THRB: variants seen among roughly 807,000 people sequenced by gnomAD.
The protein encoded by THRB is nuclear receptor subfamily 1 group A member 2.
In THRB, 12 loss-of-function variants were observed where a neutral mutation model predicts 47.8. That is an observed-to-expected ratio of 0.25 (90% CI 0.16 to 0.41). The LOEUF is 0.41. THRB is among the 10% of genes least tolerant of loss of function. The pLI is 1.00. For missense variants in THRB, 348 were observed against 589.2 expected, an observed-to-expected ratio of 0.59 and a Z score of 4.24; for synonymous variants, 218 against 212.2, an observed-to-expected ratio of 1.03 and a Z score of -0.24.
At chr3:24,132,679 G>A (rs1040173649) in intron 9 of THRB, among the ~76,000 whole-genome samples, 8 of 152,232 alleles carry the variant, frequency 5.3e-5, no homozygotes, top group South Asian at 4.1e-4. Context: ...GAAGAACTCC[G>A]GTGGGACAGC....
intron 10 of THRB, among the ~76,000 whole-genome samples, chr3:24,124,162 T>C (rs2032261168): frequency 6.6e-6 from 1 of 152,204 alleles, no homozygotes; most frequent in African/African-American, 2.4e-5. Flanking sequence ...GAAACAGGGT[T>C]CTGCTTCATT....
In THRB at chr3:24,420,752, A is replaced by T. The variant is rs190947843; in HGVS notation, c.-261+73900T>A. On this transcript the variant is annotated intron_variant, in intron 1 of 10. Coordinates refer to ENST00000646209, the MANE Select transcript of THRB (RefSeq NM_001354712.2). Reference sequence around the variant, plus strand: ...AAGGAACACATGCACTGTCGGTGGGAATGTAAATTACTACAACCATTGTGG... The same window carrying T: ...AAGGAACACATGCACTGTCGGTGGGTATGTAAATTACTACAACCATTGTGG... 9.4e-4 allele frequency among the ~76,000 whole-genome samples: 143 copies of T among 152,026 alleles called. 1 individual carries two copies. The highest frequency in any genetic ancestry group is 3.1e-3 in the African/African-American group (130 of 41,526).
chr3:24,371,374 A>G (rs1217023582), intron 1 of THRB, among the ~76,000 whole-genome samples: 1 of 152,168 alleles, frequency 6.6e-6, no homozygotes, highest in African/African-American at 2.4e-5. Context: ...ATTATGTTTC[A>G]GACATGATTC....
At chr3:24,186,463 G>A (rs9883105) in intron 5 of THRB, among the ~76,000 whole-genome samples, 12,026 of 151,774 alleles carry the variant, frequency 0.079, 899 homozygotes, top group African/African-American at 0.2. Context: ...AGTTGCAGAA[G>A]GGAATGGGTC....
intron 3 of THRB, among the ~76,000 whole-genome samples, chr3:24,267,266 T>G (rs1393008430): frequency 6.6e-6 from 1 of 151,576 alleles, no homozygotes; most frequent in Non-Finnish European, 1.5e-5. Context: ...CATAAGTGGG[T>G]AGAGGTGGAG....
chr3:24,196,479 G>A (rs2043968653), intron 4 of THRB, among the ~76,000 whole-genome samples: 1 of 152,196 alleles, frequency 6.6e-6, no homozygotes, highest in Non-Finnish European at 1.5e-5. Flanking sequence ...CCTGCACATT[G>A]TAAGCATGCA....
At chr3:24,437,779 A>G (rs2071116081) in intron 1 of THRB, among the ~76,000 whole-genome samples, 2 of 152,084 alleles carry the variant, frequency 1.3e-5, no homozygotes, top group African/African-American at 2.4e-5. Context: ...GAAGAAAATG[A>G]ACACACTTTT....
intron 1 of THRB, among the ~76,000 whole-genome samples, chr3:24,355,909 T>C (rs1251624390): frequency 6.6e-6 from 1 of 152,160 alleles, no homozygotes; most frequent in African/African-American, 2.4e-5. Flanking sequence ...TTCCAATGGT[T>C]CCCCAAGTCT....
intron 4 of THRB, among the ~76,000 whole-genome samples, chr3:24,195,367 G>A (rs1206322072): frequency 2.6e-5 from 4 of 151,958 alleles, no homozygotes; most frequent in South Asian, 2.1e-4. Flanking sequence ...TCTCCTTATC[G>A]CCCTTAGTTT....
chr3:24,170,893 A>G (rs1371083838), intron 5 of THRB, among the ~76,000 whole-genome samples: 1 of 152,190 alleles, frequency 6.6e-6, no homozygotes, highest in Non-Finnish European at 1.5e-5. Flanking sequence ...ACATATTGCA[A>G]TAAGTGGATT....
chr3:24,227,795 G>A (rs2047819120), intron 4 of THRB, among the ~76,000 whole-genome samples: 2 of 152,066 alleles, frequency 1.3e-5, no homozygotes, highest in South Asian at 4.2e-4. Context: ...CAAAGGTCAG[G>A]CTGCATCCTC....
At chr3:24,451,450 T>C (rs1427153791) in intron 1 of THRB, among the ~76,000 whole-genome samples, 3 of 152,140 alleles carry the variant, frequency 2.0e-5, no homozygotes, top group African/African-American at 7.2e-5. Context: ...TTAGCCAAGC[T>C]GGTCTTACAT....
At chr3:24,279,242 T>C (rs1008155674) in intron 3 of THRB, among the ~76,000 whole-genome samples, 11 of 152,186 alleles carry the variant, frequency 7.2e-5, no homozygotes, top group Non-Finnish European at 1.3e-4. Flanking sequence ...AACTTGAACA[T>C]GTTCGCTTGC....
chr3:24,292,063 A>G (rs569780673), intron 3 of THRB, among the ~76,000 whole-genome samples: 50 of 152,210 alleles, frequency 3.3e-4, no homozygotes, highest in Non-Finnish European at 6.5e-4. Context: ...AGAGTAACAT[A>G]AAGTGAAAGT....
intron 1 of THRB, among the ~76,000 whole-genome samples, chr3:24,425,145 C>T (rs2069632573): frequency 1.3e-5 from 2 of 151,498 alleles, no homozygotes; most frequent in African/African-American, 4.8e-5. Flanking sequence ...GATCAGTTTT[C>T]AAGATGTGGT....
chr3:24,417,117 CACACACACACACACACACA>C (rs2068807868), intron 1 of THRB, among the ~76,000 whole-genome samples: 4 of 151,290 alleles, frequency 2.6e-5, no homozygotes, highest in Non-Finnish European at 4.4e-5. Context: ...CACACACACA[CACACACACACACACACACA>C]CACGCGCAAC....
At chr3:24,140,434 A>G (rs2035283883) in intron 8 of THRB, among the ~76,000 whole-genome samples, 1 of 152,126 alleles carries the variant, frequency 6.6e-6, no homozygotes, top group South Asian at 2.1e-4. Context: ...GGTGTCATGT[A>G]AAGGCTTTTT....
chr3:24,447,004 A>G (rs1577636107), intron 1 of THRB, among the ~76,000 whole-genome samples: 1 of 152,212 alleles, frequency 6.6e-6, no homozygotes, highest in East Asian at 1.9e-4. Context: ...CCAGTCTCCC[A>G]TCATTACCGG....
intron 3 of THRB, among the ~76,000 whole-genome samples, chr3:24,231,044 C>T (rs896527337): frequency 6.6e-6 from 1 of 152,194 alleles, no homozygotes; most frequent in African/African-American, 2.4e-5. Flanking sequence ...CTTCCTGAGG[C>T]CCAGCTGTAT....
Sources: allele counts gnomAD v4.1 joint callset (sites outside exome capture counted in the v4.1 genomes callset), GRCh38; gene constraint gnomAD v4.1.1; transcripts MANE v1.5; gene names NCBI Gene and HGNC (gene_info 2026-07-23, HGNC 2026-07-21).